STAG1: variants seen among roughly 807,000 people sequenced by gnomAD.
STAG1 encodes the protein cohesin subunit SA-1.
STAG1 carries 26 observed loss-of-function variants against 170.9 expected under a neutral mutation model. That is an observed-to-expected ratio of 0.15 (90% CI 0.11 to 0.21). STAG1 has a LOEUF of 0.21. Among genes scored for constraint, STAG1 ranks in the 10% least tolerant of loss-of-function variants. STAG1 has a pLI of 1.00. For synonymous variants in STAG1, 514 were observed against 497.7 expected (o/e 1.03, Z -0.44); for missense variants, 964 against 1,509.5 (o/e 0.64, Z 5.99).
At chr3:136,352,700 T>G (rs531145408) in intron 28 of STAG1, among the ~76,000 whole-genome samples, 1 of 152,324 alleles carries the variant, frequency 6.6e-6, no homozygotes, top group South Asian at 2.1e-4. Flanking sequence ...GTTTTGTACT[T>G]TCAGTATAGT....
chr3:136,425,192 GT>G (rs1559793632), intron 16 of STAG1, among the ~76,000 whole-genome samples: 1 of 152,146 alleles, frequency 6.6e-6, no homozygotes, highest in Non-Finnish European at 1.5e-5. Flanking sequence ...AAGACTGTGC[GT>G]AGGTGAACTT....
intron 6 of STAG1, among the ~76,000 whole-genome samples, chr3:136,526,457 C>T (rs1278838735): frequency 6.6e-6 from 1 of 152,156 alleles, no homozygotes; most frequent in Non-Finnish European, 1.5e-5. Flanking sequence ...GGTAGATCTT[C>T]CTCCATCCCT....
At chr3:136,476,677 T>C (rs1417461365) in intron 10 of STAG1, among the ~76,000 whole-genome samples, 5 of 152,206 alleles carry the variant, frequency 3.3e-5, no homozygotes, top group South Asian at 2.1e-4. Context: ...GTTGCTTTTA[T>C]GATAAGTGCT....
intron 1 of STAG1, among the ~76,000 whole-genome samples, chr3:136,642,938 C>T (rs1940858364): frequency 6.6e-6 from 1 of 152,232 alleles, no homozygotes; most frequent in Admixed American, 6.5e-5. Flanking sequence ...TGGCCATCTT[C>T]CCTCTGTGTG....
intron 15 of STAG1, 41 bp from the exon 16 acceptor site, chr3:136,433,700 TACA>T: frequency 7.5e-7 from 1 of 1,337,304 alleles, no homozygotes; most frequent in South Asian, 1.2e-5. Flanking sequence ...TAGACAGTTT[TACA>T]ACAACCATGT....
chr3:136,377,118 G>A (rs1383704352), intron 23 of STAG1, among the ~76,000 whole-genome samples: 2 of 148,548 alleles, frequency 1.3e-5, no homozygotes, highest in African/African-American at 2.5e-5. Context: ...TCTACATTTC[G>A]GCCGGGCACG....
rs1936713314 is a variant in STAG1 at position 136,357,792 on chromosome 3, G to A, written c.2993C>T (p.Pro998Leu). Residue 998 changes from proline to leucine, a missense_variant, in exon 28 of 34, where the codon CCT becomes CTT. Pro to Leu is a moderately conservative substitution (Grantham distance 98). Around this residue, in one of 11 missense-constraint regions of STAG1, gnomAD observed 149 missense variants for 301.3 expected, o/e 0.49. Transcript: ENST00000383202. Reference protein sequence around the residue: ...YQNQKGQEYPPPNLAFLEVLS... With the variant: ...YQNQKGQEYPLPNLAFLEVLS... Reference sequence around the variant, plus strand: ...TACTTCAAGAAAAGCCAGATTAGGAGGTGGATACTCTTGTCCTTTCTGATT... The same window carrying A: ...TACTTCAAGAAAAGCCAGATTAGGAAGTGGATACTCTTGTCCTTTCTGATT... 6.2e-7 allele frequency: 1 copy of A among 1,604,546 alleles called. No homozygotes were observed. The highest frequency in any genetic ancestry group is 1.7e-5 in the Admixed American group (1 of 57,716).
intron 1 of STAG1, among the ~76,000 whole-genome samples, chr3:136,721,817 G>A (rs1341363817): frequency 2.0e-5 from 3 of 151,866 alleles, no homozygotes; most frequent in East Asian, 3.9e-4. Context: ...CTAGCTACTC[G>A]GGAGGCTGAG....
chr3:136,606,893 T>C (rs1168861611), intron 3 of STAG1, among the ~76,000 whole-genome samples: 1 of 151,570 alleles, frequency 6.6e-6, no homozygotes, highest in Non-Finnish European at 1.5e-5. Flanking sequence ...AAACTACAGG[T>C]GTGTGCCACC....
In STAG1 at chr3:136,561,938, C is replaced by T. The variant is rs571311186; in HGVS notation, c.394+6827G>A. Among the ~76,000 whole-genome samples, 7 of 152,078 alleles carry T rather than the reference C, an allele frequency of 4.6e-5. No homozygotes were observed. In the East Asian group the frequency reaches 5.8e-4, roughly 13 times the overall value. On this transcript the variant is annotated intron_variant, in intron 5 of 33. Transcript: ENST00000383202. Reference sequence around the variant, plus strand: ...TTCTTCAGATGTAAACATTTACATCCGTTTTATCCTTCTTTCACTCTTCAT... The same window carrying T: ...TTCTTCAGATGTAAACATTTACATCTGTTTTATCCTTCTTTCACTCTTCAT...
At chr3:136,706,405 T>C (rs1421850175) in intron 1 of STAG1, among the ~76,000 whole-genome samples, 1 of 151,986 alleles carries the variant, frequency 6.6e-6, no homozygotes, top group Non-Finnish European at 1.5e-5. Flanking sequence ...GGGTATAAGA[T>C]CAATATACAT....
chr3:136,440,878 A>C (rs2088609826), intron 15 of STAG1, among the ~76,000 whole-genome samples: 1 of 151,996 alleles, frequency 6.6e-6, no homozygotes, highest in Non-Finnish European at 1.5e-5. Context: ...AGTCCCAACC[A>C]CTTGGGAGGC....
intron 8 of STAG1, among the ~76,000 whole-genome samples, chr3:136,501,212 A>G (rs1329805728): frequency 4.6e-5 from 7 of 152,360 alleles, no homozygotes; most frequent in South Asian, 4.1e-4. Flanking sequence ...TAAGAGGCAT[A>G]CATTTCTGAG....
At chr3:136,448,142 A>T (rs2088837936) in intron 14 of STAG1, among the ~76,000 whole-genome samples, 1 of 152,214 alleles carries the variant, frequency 6.6e-6, no homozygotes, top group Non-Finnish European at 1.5e-5. Flanking sequence ...TCTCTTAATC[A>T]CATTTTACAT....
intron 7 of STAG1, among the ~76,000 whole-genome samples, chr3:136,520,383 T>C (rs979335996): frequency 6.6e-6 from 1 of 152,020 alleles, no homozygotes; most frequent in African/African-American, 2.4e-5. Context: ...ATTATGATAA[T>C]AAGTAAGATG....
At position 136,336,387 on chromosome 3, in the gene STAG1, C is replaced by T. The variant is rs1935680270; in HGVS notation, c.*1867G>A. 6.6e-6 allele frequency: 1 copy of T among 152,254 alleles called. No individual in the cohort carries two copies. Among genetic ancestry groups the T allele is most frequent in the South Asian group, 2.1e-4 (1 of 4,834 alleles). The allele number at this position is 152,254 out of a possible 1,614,324, so 9.4% of individuals were successfully genotyped here. A position where few individuals can be genotyped will look rare whatever the true frequency, so the allele number is the denominator to read the frequency against. ...GAAAATACAAAAATTTGATTGACTT[C>T]AAACTGAACTGGAAACCCATTGGAG... On this transcript the variant is annotated 3_prime_UTR_variant, in exon 34 of 34. Transcript: ENST00000383202.
intron 1 of STAG1, among the ~76,000 whole-genome samples, chr3:136,704,726 A>G (rs1273335193): frequency 1.3e-5 from 2 of 150,766 alleles, no homozygotes; most frequent in Non-Finnish European, 3.0e-5. Context: ...CTACTCAGAA[A>G]GCTGAGGTGA....
At chr3:136,696,665 T>C (rs1205129571) in intron 1 of STAG1, among the ~76,000 whole-genome samples, 2 of 152,090 alleles carry the variant, frequency 1.3e-5, no homozygotes, top group African/African-American at 4.8e-5. Flanking sequence ...TACTGCTCAA[T>C]TTTGCTGTAA....
chr3:136,610,873 C>T (rs1202059254), intron 3 of STAG1, among the ~76,000 whole-genome samples: 1 of 152,114 alleles, frequency 6.6e-6, no homozygotes. Context: ...GTGTATTGCC[C>T]ATTCAACCCT....
Sources: allele counts gnomAD v4.1 joint callset (sites outside exome capture counted in the v4.1 genomes callset), GRCh38; gene constraint gnomAD v4.1.1; regional missense constraint gnomAD v4.1.1; transcripts MANE v1.5; gene names NCBI Gene and HGNC (gene_info 2026-07-23, HGNC 2026-07-21).